Variants in TM2D1 observed in about 807,000 individuals in gnomAD.
TM2D1 encodes TM2 domain-containing protein 1.
TM2D1 carries 15 observed loss-of-function variants against 28.4 expected under a neutral mutation model. The ratio of observed to expected loss-of-function variants is 0.53; its 90% CI spans 0.35 to 0.81. The LOEUF (loss-of-function observed/expected upper bound fraction) is 0.81. TM2D1 is among the 40% of genes least tolerant of loss of function. The pLI, the probability that TM2D1 is intolerant of heterozygous loss-of-function variation, is 0.01. For missense variants in TM2D1, 236 were observed against 254.9 expected (o/e 0.93, Z 0.50); for synonymous variants, 93 against 96.2 (o/e 0.97, Z 0.20).
At chr1:61,683,715 G>A (rs1051483211) in intron 5 of TM2D1, 169 bp from the exon 6 acceptor site, 27 of 409,876 alleles carry the variant, frequency 6.6e-5, no homozygotes, top group Non-Finnish European at 1.0e-4. Context: ...AACAACTACT[G>A]GGATATACTG....
chr1:61,683,441 G>A lies in TM2D1; in HGVS notation c.619C>T (p.Pro207Ser), dbSNP rs1160703230. The part of the protein sequence containing the change: ...NETFRKTQLY[P>S] ...CTGTTTCTTTTAAAAAATATTTATGGATATAATTGCGTTTTTCTAAATGTT... is the reference window on the plus strand; with the variant it reads ...CTGTTTCTTTTAAAAAATATTTATGAATATAATTGCGTTTTTCTAAATGTT... The change falls in exon 6 of 7, where the codon CCA (proline) becomes TCA (serine). Residue 207 changes from proline to serine, a missense_variant. Pro to Ser is a moderately conservative substitution (Grantham distance 74, BLOSUM62 -1). Coordinates refer to ENST00000606498, the MANE Select transcript of TM2D1 (RefSeq NM_032027.3). The A allele has an allele frequency of 2.3e-6, 3 of 1,313,618 alleles. No homozygotes were observed. Among genetic ancestry groups the A allele is most frequent in the Non-Finnish European group, 3.1e-6 (3 of 968,954 alleles). The allele number at this position is 1,313,618 out of a possible 1,614,324, so 81.4% of individuals were successfully genotyped here.
intron 1 of TM2D1, 42 bp from the exon 2 acceptor site, chr1:61,723,828 C>A: frequency 1.1e-6 from 1 of 943,286 alleles, no homozygotes; most frequent in Non-Finnish European, 1.6e-6. Flanking sequence ...CATTCCAACA[C>A]AACACATTAT....
intron 2 of TM2D1, among the ~76,000 whole-genome samples, chr1:61,723,258 T>C (rs1349467714): frequency 6.6e-6 from 1 of 152,078 alleles, no homozygotes; most frequent in Non-Finnish European, 1.5e-5. Context: ...TAAACGATAG[T>C]GATGAAGTTG....
chr1:61,712,996 C>G (rs895315258), intron 2 of TM2D1, among the ~76,000 whole-genome samples: 1 of 149,628 alleles, frequency 6.7e-6, no homozygotes, highest in Non-Finnish European at 1.5e-5. Context: ...ATGGTGAAAC[C>G]CTGTCTCTAC....
intron 5 of TM2D1, among the ~76,000 whole-genome samples, chr1:61,690,507 TAC>T (rs1644316591): frequency 1.0e-5 from 1 of 99,650 alleles, no homozygotes; most frequent in South Asian, 3.3e-4. Flanking sequence ...AAAGAAATAA[TAC>T]AGTCTAAAGT....
chr1:61,691,754 A>G (rs1644326512), intron 5 of TM2D1, among the ~76,000 whole-genome samples: 2 of 150,076 alleles, frequency 1.3e-5, no homozygotes, highest in Admixed American at 1.3e-4. Context: ...CGTCTCTACT[A>G]AAAATATAAA....
At chr1:61,719,415 G>C (rs1174070598) in intron 2 of TM2D1, among the ~76,000 whole-genome samples, 1 of 151,770 alleles carries the variant, frequency 6.6e-6, no homozygotes, top group African/African-American at 2.4e-5. Flanking sequence ...TACACAGAGA[G>C]AGAGAGAGAG....
chr1:61,682,436 T>TCTA (rs1644250837), intron 6 of TM2D1, among the ~76,000 whole-genome samples: 1 of 152,224 alleles, frequency 6.6e-6, no homozygotes, highest in South Asian at 2.1e-4. Context: ...TTCCTGATAT[T>TCTA]CTACCAAAAT....
chr1:61,697,515 T>C (rs1644371701), intron 4 of TM2D1: 1 of 150,958 alleles, frequency 6.6e-6, no homozygotes, highest in Non-Finnish European at 1.5e-5. Flanking sequence ...TCTTGATTTT[T>C]TAAAACAGCT....
At chr1:61,692,890 C>CT (rs1644339228) in intron 5 of TM2D1, among the ~76,000 whole-genome samples, 1 of 152,162 alleles carries the variant, frequency 6.6e-6, no homozygotes. Flanking sequence ...CACACTCTAA[C>CT]TCTACACCTC....
At chr1:61,681,755 C>T (rs1644245042) in intron 6 of TM2D1, among the ~76,000 whole-genome samples, 1 of 152,062 alleles carries the variant, frequency 6.6e-6, no homozygotes, top group Non-Finnish European at 1.5e-5. Flanking sequence ...AAACAATTTC[C>T]AAAACAAAAA....
intron 5 of TM2D1, among the ~76,000 whole-genome samples, chr1:61,691,221 C>A (rs1204624660): frequency 6.6e-6 from 1 of 152,082 alleles, no homozygotes; most frequent in East Asian, 1.9e-4. Context: ...CCAGGCCAGG[C>A]ATGGTGGCTC....
chr1:61,718,037 G>T (rs900120959), intron 2 of TM2D1, among the ~76,000 whole-genome samples: 2 of 152,018 alleles, frequency 1.3e-5, no homozygotes, highest in Admixed American at 1.3e-4. Context: ...AACAAAAAAC[G>T]CCAGGTGTGG....
chr1:61,694,645 G>T (rs750482513), intron 5 of TM2D1, 52 bp downstream of exon 5: 6 of 1,247,994 alleles, frequency 4.8e-6, no homozygotes, highest in Non-Finnish European at 6.8e-6. Context: ...GGAGATCACA[G>T]AACTCAATTT....
At chr1:61,695,094 C>T (rs1169927006) in intron 4 of TM2D1, among the ~76,000 whole-genome samples, 1 of 151,946 alleles carries the variant, frequency 6.6e-6, no homozygotes, top group East Asian at 1.9e-4. Flanking sequence ...ACCAGAGTTA[C>T]ATCTTTTAGT....
rs1644242145 is a variant in TM2D1, at chr1:61,681,309, A to T, written c.*61T>A. ...ATGAAAAAGAGAAATCTTTAAATCC[A>T]TACACTAGAAGTTCTCTATTAAAAT... On this transcript the variant is annotated 3_prime_UTR_variant, in exon 7 of 7. Coordinates refer to ENST00000606498, the MANE Select transcript of TM2D1 (RefSeq NM_032027.3). The T allele has an allele frequency of 6.6e-6, 1 of 152,378 alleles. No homozygotes were observed. The highest frequency in any genetic ancestry group is 6.5e-5 in the Admixed American group (1 of 15,286). 9.4% of individuals were successfully genotyped at this position (152,378 alleles called of 1,614,324 possible).
intron 3 of TM2D1, among the ~76,000 whole-genome samples, chr1:61,705,885 T>C (rs944364636): frequency 1.4e-4 from 22 of 152,208 alleles, no homozygotes; most frequent in Non-Finnish European, 5.9e-5. Flanking sequence ...CTTCAGTTTC[T>C]GGAGAATACA....
intron 2 of TM2D1, among the ~76,000 whole-genome samples, chr1:61,716,809 G>T (rs1174763525): frequency 6.6e-6 from 1 of 151,834 alleles, no homozygotes; most frequent in Non-Finnish European, 1.5e-5. Context: ...TTTCATCCTT[G>T]TAAGAAAGAA....
In TM2D1 at chr1:61,723,798, AG is replaced by A. The variant is rs758383430; in HGVS notation, c.165-13del. ...CTTTACAAATATATGTAAAAAAAAAAGTTAAGGAAATACGGACTACATTCCA... is the reference window on the plus strand; with the variant it reads ...CTTTACAAATATATGTAAAAAAAAAATTAAGGAAATACGGACTACATTCCA... On this transcript the variant is annotated splice_polypyrimidine_tract_variant and intron_variant, in intron 1 of 6. Coordinates refer to ENST00000606498, the MANE Select transcript of TM2D1 (RefSeq NM_032027.3). The A allele has an allele frequency of 1.5e-6, 2 of 1,357,434 alleles. No individual in the cohort carries two copies. The highest frequency in any genetic ancestry group is 2.1e-5 in the Admixed American group (1 of 48,166). The allele number at this position is 1,357,434 out of a possible 1,614,324, so 84.1% of individuals were successfully genotyped here.
Sources: gnomAD v4.1 joint callset for allele counts (sites outside exome capture counted in the v4.1 genomes callset) on GRCh38, gnomAD v4.1.1 for gene constraint, MANE v1.5 for transcripts, NCBI Gene and HGNC (gene_info 2026-07-23, HGNC 2026-07-21) for gene names.